ATP8A2: variants seen among roughly 807,000 people sequenced by gnomAD.
ATP8A2 encodes the protein phospholipid-transporting ATPase IB.
Under a neutral mutation model 165.6 loss-of-function variants are expected in ATP8A2, and 100 were observed. That is an observed-to-expected ratio of 0.60 (90% CI 0.51 to 0.71). The LOEUF (loss-of-function observed/expected upper bound fraction) is 0.71. Ranked by LOEUF, ATP8A2 falls within the 30% of genes least tolerant of loss-of-function variation. ATP8A2 has a pLI of 0.00. For missense variants in ATP8A2, 1,227 were observed against 1,479.5 expected (o/e 0.83, Z 2.80); for synonymous variants, 543 against 548.8 (o/e 0.99, Z 0.15).
chr13:25,977,053 T>C (rs12862059), intron 35 of ATP8A2, among the ~76,000 whole-genome samples: 32,194 of 82,124 alleles, frequency 0.39, 4,329 homozygotes, highest in East Asian at 0.63. Context: ...CCCCCTTCCC[T>C]GCCCTCGGCC....
intron 1 of ATP8A2, among the ~76,000 whole-genome samples, chr13:25,463,721 G>C (rs955040748): frequency 6.6e-6 from 1 of 152,178 alleles, no homozygotes; most frequent in Non-Finnish European, 1.5e-5. Context: ...TGGTTAGAGG[G>C]TTGAAAATAT....
chr13:25,551,232 C>CT (rs1281011217), intron 10 of ATP8A2, 106 bp from the exon 11 acceptor site: 6 of 1,109,330 alleles, frequency 5.4e-6, no homozygotes, highest in Non-Finnish European at 7.8e-6. Context: ...AAAAAATAGT[C>CT]TTTTACTTGT....
chr13:25,837,832 C>CA (rs1008326185), intron 29 of ATP8A2, among the ~76,000 whole-genome samples: 35 of 148,226 alleles, frequency 2.4e-4, no homozygotes, highest in South Asian at 6.4e-4. Flanking sequence ...AGAAAGGAAC[C>CA]AAAAAAAAAT....
intron 33 of ATP8A2, among the ~76,000 whole-genome samples, chr13:25,960,395 G>C (rs1370931727): frequency 6.6e-6 from 1 of 151,570 alleles, no homozygotes; most frequent in African/African-American, 2.4e-5. Context: ...AGTCCCTGTG[G>C]GGGTCCCACA....
At chr13:25,676,418 G>A (rs913968053) in intron 24 of ATP8A2, among the ~76,000 whole-genome samples, 6 of 152,088 alleles carry the variant, frequency 3.9e-5, no homozygotes, top group Non-Finnish European at 8.8e-5. Flanking sequence ...AGGATGGCAG[G>A]GAAATAACCA....
intron 24 of ATP8A2, among the ~76,000 whole-genome samples, chr13:25,658,365 C>T (rs538832690): frequency 2.0e-5 from 3 of 152,236 alleles, no homozygotes; most frequent in East Asian, 1.9e-4. Context: ...TGGCCAGGCA[C>T]GGTGGCTCAC....
intron 2 of ATP8A2, among the ~76,000 whole-genome samples, chr13:25,485,343 T>C (rs2036318533): frequency 6.6e-6 from 1 of 152,258 alleles, no homozygotes; most frequent in African/African-American, 2.4e-5. Context: ...GGGTCAGTCA[T>C]ATTTGTAAGC....
chr13:25,789,711 G>C (rs989798780), intron 27 of ATP8A2, among the ~76,000 whole-genome samples: 1 of 152,178 alleles, frequency 6.6e-6, no homozygotes, highest in Non-Finnish European at 1.5e-5. Context: ...ATTCTTCATA[G>C]TACTAGAAAA....
chr13:25,835,826 A>G (rs1310522287), intron 28 of ATP8A2, among the ~76,000 whole-genome samples: 1 of 151,946 alleles, frequency 6.6e-6, no homozygotes, highest in Non-Finnish European at 1.5e-5. Context: ...CTTGCCTTAC[A>G]CCGCACCCTC....
chr13:25,587,056 G>A (rs1313383913), intron 23 of ATP8A2, among the ~76,000 whole-genome samples: 1 of 152,056 alleles, frequency 6.6e-6, no homozygotes, highest in African/African-American at 2.4e-5. Context: ...GTCATTTTAT[G>A]GCCGTCTTGT....
At chr13:25,477,660 G>A (rs1287203587) in intron 2 of ATP8A2, among the ~76,000 whole-genome samples, 2 of 152,212 alleles carry the variant, frequency 1.3e-5, no homozygotes, top group African/African-American at 4.8e-5. Context: ...TTTTCGGCCA[G>A]GTGTGGTGGC....
intron 33 of ATP8A2, among the ~76,000 whole-genome samples, chr13:25,929,595 AT>A (rs1954707500): frequency 6.6e-6 from 1 of 152,222 alleles, no homozygotes; most frequent in Middle Eastern, 3.2e-3. Flanking sequence ...TCAGTGGCTC[AT>A]GCCAGTAATC....
intron 33 of ATP8A2, among the ~76,000 whole-genome samples, chr13:25,952,825 C>G (rs1314925789): frequency 1.3e-5 from 2 of 152,202 alleles, no homozygotes; most frequent in Non-Finnish European, 2.9e-5. Context: ...GTCAGCGCCA[C>G]ACAGCCACCC....
At chr13:25,480,176 C>T (rs1158310890) in intron 2 of ATP8A2, among the ~76,000 whole-genome samples, 8 of 144,050 alleles carry the variant, frequency 5.6e-5, no homozygotes, top group Non-Finnish European at 1.2e-4. Context: ...GGGCTGACCC[C>T]CCCACCTCCC....
intron 19 of ATP8A2, among the ~76,000 whole-genome samples, chr13:25,575,772 A>G (rs1322535935): frequency 6.6e-6 from 1 of 151,950 alleles, no homozygotes; most frequent in Non-Finnish European, 1.5e-5. Context: ...CTGCGTGTGG[A>G]GGTGAGCGAC....
At chr13:25,658,570 C>T (rs1314667118) in intron 24 of ATP8A2, among the ~76,000 whole-genome samples, 1 of 152,120 alleles carries the variant, frequency 6.6e-6, no homozygotes, top group African/African-American at 2.4e-5. Context: ...ACCTGAGAGG[C>T]AGAGGTTGCA....
chr13:25,807,152 G>A (rs1248312090), intron 27 of ATP8A2, among the ~76,000 whole-genome samples: 1 of 72,606 alleles, frequency 1.4e-5, no homozygotes, highest in African/African-American at 4.2e-5. Context: ...CTTCTTTATA[G>A]TGTTTTTTTT....
chr13:25,975,425 A>AG (rs1956009972), intron 35 of ATP8A2, among the ~76,000 whole-genome samples: 1 of 151,046 alleles, frequency 6.6e-6, no homozygotes, highest in East Asian at 2.0e-4. Context: ...AAAATACAAA[A>AG]AAAAAAATTA....
intron 35 of ATP8A2, among the ~76,000 whole-genome samples, chr13:25,988,617 G>A (rs1014306126): frequency 6.6e-6 from 1 of 152,178 alleles, no homozygotes; most frequent in African/African-American, 2.4e-5. Context: ...CTGTGGCAGG[G>A]CTAGATTCCA....
Sources: allele counts gnomAD v4.1 joint callset (sites outside exome capture counted in the v4.1 genomes callset), GRCh38; gene constraint gnomAD v4.1.1; transcripts MANE v1.5; gene names NCBI Gene and HGNC (gene_info 2026-07-23, HGNC 2026-07-21).